GLA: variants seen among roughly 807,000 people sequenced by gnomAD.
GLA encodes alpha-galactosidase A.
GLA carries 4 observed loss-of-function variants against 28.2 expected under a neutral mutation model. That is an observed-to-expected ratio of 0.14 (90% CI 0.07 to 0.32). The LOEUF is 0.32. GLA is among the 10% of genes least tolerant of loss of function. The pLI is 1.00. For synonymous variants in GLA, 94 were observed against 113.0 expected, an observed-to-expected ratio of 0.83 and a Z score of 1.07; for missense variants, 203 against 323.7, an observed-to-expected ratio of 0.63 and a Z score of 2.86.
Position 101,398,544 on chromosome X carries a change from G to A in GLA, c.825C>T (p.Leu275=). The part of the protein sequence containing the change: ...PDMLVIGNFG[L]SWNQQVTQMA... ...TCTGAGTTACTTGCTGATTCCAGCT[G>A]AGGCCAAAGTTGCCAATCACTAACT... Residue 275 remains leucine (L), a synonymous_variant, in exon 6 of 7, where the codon CTC becomes CTT. Transcript: ENST00000218516. The A allele has an allele frequency of 8.3e-7, 1 of 1,205,889 alleles. No individual in the cohort carries two copies.
intron 1 of GLA, 74 bp from the exon 2 acceptor site, chrX:101,404,059 T>C (rs918257809): frequency 1.2e-5 from 12 of 965,056 alleles, no homozygotes; most frequent in Non-Finnish European, 1.8e-5. Flanking sequence ...ATTAGGCACC[T>C]TGGGATTTCA....
At chrX:101,407,161 C>G (rs1422470768) in intron 1 of GLA, among the ~76,000 whole-genome samples, 1 of 111,944 alleles carries the variant, frequency 8.9e-6, no homozygotes, top group African/African-American at 3.3e-5. Context: ...TCTCAGCGAC[C>G]TTATGGTCTC....
intron 4 of GLA, among the ~76,000 whole-genome samples, chrX:101,400,215 A>T (rs1320179798): frequency 2.2e-5 from 2 of 89,384 alleles, no homozygotes; most frequent in African/African-American, 1.2e-4. Flanking sequence ...TTTTTTCTTT[A>T]AAAAAAAAAC....
At chrX:101,407,688 G>A (rs782224725) in intron 1 of GLA, 22 bp downstream of exon 1, 12 of 1,179,889 alleles carry the variant, frequency 1.0e-5, no homozygotes, top group Non-Finnish European at 1.3e-5. Context: ...GCAAAGGGAA[G>A]GGAGTACCCA....
intron 3 of GLA, 58 bp downstream of exon 3, chrX:101,401,574 G>T: frequency 1.0e-6 from 1 of 998,508 alleles, no homozygotes; most frequent in Non-Finnish European, 1.4e-6. Context: ...CTTTGGCTCA[G>T]CTACCATGGC....
chrX:101,407,871 G>A lies in GLA; in HGVS notation c.33C>T (p.Gly11=), dbSNP rs781856890. 40 of 1,210,105 alleles carry A rather than the reference G, an allele frequency of 3.3e-5. No individual in the cohort carries two copies. In the East Asian group the frequency reaches 1.1e-3, roughly 34 times the overall value. Residue 11 remains glycine (G), a synonymous_variant, in exon 1 of 7, where the codon GGC becomes GGT. Transcript: ENST00000218516. MQLRNPELHL[G]CALALRFLAL... ...CCAGGAAGCGAAGCGCAAGCGCGCA[G>A]CCCAGATGTAGTTCTGGGTTCCTCA...
intron 3 of GLA, among the ~76,000 whole-genome samples, chrX:101,401,065 A>T (rs1356830683): frequency 9.0e-6 from 1 of 110,745 alleles, no homozygotes; most frequent in Non-Finnish European, 1.9e-5. Context: ...CGAACTCCTG[A>T]CCTCAAGTAA....
chrX:101,399,488 C>T (rs1187927288), intron 4 of GLA, among the ~76,000 whole-genome samples: 2 of 112,116 alleles, frequency 1.8e-5, no homozygotes, highest in Admixed American at 9.4e-5. Context: ...CGCTTAAACC[C>T]GGGAGGCGGA....
intron 4 of GLA, among the ~76,000 whole-genome samples, chrX:101,400,073 G>C (rs1401989269): frequency 2.7e-5 from 3 of 111,093 alleles, no homozygotes; most frequent in African/African-American, 9.8e-5. Context: ...CTTGGACTTT[G>C]GGGAGGCAGG....
chrX:101,398,375 T>C lies in GLA; in HGVS notation c.994A>G (p.Arg332Gly), dbSNP rs782757545. The C allele has an allele frequency of 9.2e-6, 11 of 1,195,005 alleles. No individual in the cohort carries two copies. The highest frequency in any genetic ancestry group is 1.2e-5 in the Non-Finnish European group (11 of 881,578). Reference protein sequence around the residue: ...DPLGKQGYQLRQGDNFEVWER... With the variant: ...DPLGKQGYQLGQGDNFEVWER... ...AAATATATACTCTTATTTACCTGTC[T>C]AAGCTGGTACCCTTGCTTGCCCAAG... Residue 332 changes from arginine to glycine, a missense_variant, in exon 6 of 7, where the codon AGA (arginine) becomes GGA (glycine). Transcript: ENST00000218516.
At chrX:101,404,202 A>T (rs782251462) in intron 1 of GLA, among the ~76,000 whole-genome samples, 1 of 112,375 alleles carries the variant, frequency 8.9e-6, no homozygotes, top group South Asian at 3.6e-4. Context: ...CAAACAAAAT[A>T]GGAATGAGAA....
Position 101,398,571 on chromosome X carries a change from A to T in GLA, c.802-4T>A. ...GGCCAAAGTTGCCAATCACTAACTG[A>T]GAAAAAGAATGAAATAATTCAAACA... On this transcript the variant is annotated splice_region_variant and splice_polypyrimidine_tract_variant and intron_variant, in intron 5 of 6. Coordinates refer to ENST00000218516, the MANE Select transcript of GLA (RefSeq NM_000169.3). The T allele has an allele frequency of 5.9e-6, 7 of 1,192,860 alleles. No individual in the cohort carries two copies. Among genetic ancestry groups the T allele is most frequent in the Non-Finnish European group, 8.0e-6 (7 of 878,513 alleles).
In GLA at chrX:101,397,842, A is replaced by G. The variant is rs781943097; in HGVS notation, c.1257T>C (p.Asn419=). The change falls in exon 7 of 7, where the codon AAT becomes AAC. Residue 419 remains asparagine (N), a synonymous_variant. Transcript: ENST00000218516. ...PTGTVLLQLE[N]TMQMSLKDLL ...AGTCTTTTAATGACATCTGCATTGTATTTTCTAGCTGAAGCAAAACAGTGC... is the reference window on the plus strand; with the variant it reads ...AGTCTTTTAATGACATCTGCATTGTGTTTTCTAGCTGAAGCAAAACAGTGC... 8.3e-7 allele frequency: 1 copy of G among 1,207,475 alleles called. No individual in the cohort carries two copies. Among genetic ancestry groups the G allele is most frequent in the Admixed American group, 2.2e-5 (1 of 46,081 alleles).
chrX:101,400,824 G>GTTATT (rs781888732), intron 3 of GLA, 67 bp from the exon 4 acceptor site: 6 of 518,867 alleles, frequency 1.2e-5, no homozygotes, highest in South Asian at 6.3e-5. Flanking sequence ...TATATATATA[G>GTTATT]TTATTTTATT....
chrX:101,407,464 G>A (rs1414976070), intron 1 of GLA, among the ~76,000 whole-genome samples: 1 of 108,823 alleles, frequency 9.2e-6, no homozygotes. Flanking sequence ...AGGAGAACGA[G>A]AGAGAGAGAG....
At chrX:101,398,325 G>T in intron 6 of GLA, 45 bp downstream of exon 6, 1 of 984,374 alleles carries the variant, frequency 1.0e-6, no homozygotes, top group Non-Finnish European at 1.5e-6. Context: ...GACAAAGTTG[G>T]TATTGGGTAT....
chrX:101,407,665 A>G (rs371312555), intron 1 of GLA, 45 bp downstream of exon 1: 28 of 1,129,967 alleles, frequency 2.5e-5, no homozygotes, highest in African/African-American at 3.6e-5. Flanking sequence ...AACACACCCA[A>G]ACACATGGAA....
At chrX:101,403,572 C>T (rs1250771045) in intron 2 of GLA, among the ~76,000 whole-genome samples, 1 of 109,949 alleles carries the variant, frequency 9.1e-6, no homozygotes, top group Non-Finnish European at 1.9e-5. Context: ...GGGTTACAGG[C>T]GTTCACCACC....
intron 6 of GLA, 113 bp from the exon 7 acceptor site, chrX:101,398,212 G>A (rs1256736256): frequency 2.5e-6 from 2 of 804,100 alleles, no homozygotes; most frequent in Non-Finnish European, 3.8e-6. Context: ...AAATTAAAAT[G>A]ATCCTGTAGC....
Sources: gnomAD v4.1 joint callset for allele counts (sites outside exome capture counted in the v4.1 genomes callset) on GRCh38, gnomAD v4.1.1 for gene constraint, MANE v1.5 for transcripts, NCBI Gene and HGNC (gene_info 2026-07-23, HGNC 2026-07-21) for gene names.